The following ATG10 variants were observed in gnomAD, a reference collection of about 807,000 sequenced individuals.
ATG10 encodes the protein ubiquitin-like-conjugating enzyme ATG10.
ATG10 carries 30 observed loss-of-function variants against 32.1 expected under a neutral mutation model. The ratio of observed to expected loss-of-function variants is 0.94; its 90% CI spans 0.70 to 1.27. The LOEUF is 1.27. Ranked by LOEUF, ATG10 falls within the 50% of genes most tolerant of loss-of-function variation. The pLI is 0.00. For synonymous variants in ATG10, 87 were observed against 91.5 expected (o/e 0.95, Z 0.28); for missense variants, 233 against 262.3 (o/e 0.89, Z 0.77).
intron 3 of ATG10, among the ~76,000 whole-genome samples, chr5:82,154,506 G>A (rs1767735009): frequency 6.6e-6 from 1 of 152,154 alleles, no homozygotes; most frequent in African/African-American, 2.4e-5. Flanking sequence ...AAGAAACTGA[G>A]GCATAGAGGG....
chr5:82,239,318 G>A (rs1041918005), intron 5 of ATG10, among the ~76,000 whole-genome samples: 2 of 152,092 alleles, frequency 1.3e-5, no homozygotes, highest in East Asian at 1.9e-4. Flanking sequence ...TTGTCTATGC[G>A]ATAAATTCCA....
At chr5:82,174,381 A>G (rs1483757892) in intron 4 of ATG10, among the ~76,000 whole-genome samples, 5 of 152,176 alleles carry the variant, frequency 3.3e-5, no homozygotes, top group African/African-American at 1.2e-4. Context: ...GAAAAGCAAA[A>G]TTATATACTT....
chr5:81,972,513 T>C (rs2149646566), intron 1 of ATG10: 1 of 152,202 alleles, frequency 6.6e-6, no homozygotes, highest in East Asian at 1.9e-4. Flanking sequence ...GCGAGGACAC[T>C]CCCTCCTCGG....
chr5:82,000,904 G>T (rs538432784), intron 2 of ATG10, among the ~76,000 whole-genome samples: 3 of 152,042 alleles, frequency 2.0e-5, no homozygotes, highest in Non-Finnish European at 4.4e-5. Context: ...TGATCTGCTC[G>T]CCTTGGCCTC....
In ATG10 at chr5:82,066,739, A is replaced by T. The variant is rs1763955733; in HGVS notation, c.216+8137A>T. 1.3e-5 allele frequency among the ~76,000 whole-genome samples: 2 copies of T among 152,100 alleles called. 1 individual carries two copies. Among genetic ancestry groups the T allele is most frequent in the Admixed American group, 1.3e-4 (2 of 15,262 alleles). On this transcript the variant is annotated intron_variant, in intron 3 of 7. Coordinates refer to ENST00000282185, the MANE Select transcript of ATG10 (RefSeq NM_031482.5). ...TGAAATACACTCATTTGCCCTAAGG[A>T]TTTTATTAGGTGGCTTCTAGGATGA... is the stretch of plus-strand genomic sequence containing the variant.
chr5:82,218,433 A>G (rs997959148), intron 5 of ATG10, among the ~76,000 whole-genome samples: 1 of 152,116 alleles, frequency 6.6e-6, no homozygotes, highest in Non-Finnish European at 1.5e-5. Context: ...GATCATTGCT[A>G]TTATAGTTTG....
intron 5 of ATG10, among the ~76,000 whole-genome samples, chr5:82,245,363 A>G (rs1014219847): frequency 6.6e-6 from 1 of 152,182 alleles, no homozygotes; most frequent in Non-Finnish European, 1.5e-5. Flanking sequence ...ATCCACATTG[A>G]TTGTCTGCAC....
chr5:82,084,024 A>G (rs1168729333), intron 3 of ATG10, among the ~76,000 whole-genome samples: 1 of 152,222 alleles, frequency 6.6e-6, no homozygotes, highest in East Asian at 1.9e-4. Context: ...CGGTAATAAC[A>G]GACTTCTCTG....
intron 3 of ATG10, among the ~76,000 whole-genome samples, chr5:82,077,109 C>A (rs1196837464): frequency 6.6e-6 from 1 of 152,154 alleles, no homozygotes; most frequent in Non-Finnish European, 1.5e-5. Context: ...GACGCTTCAG[C>A]TCAGGAGTTC....
chr5:82,150,812 G>A (rs1209747763), intron 3 of ATG10, among the ~76,000 whole-genome samples: 1 of 152,218 alleles, frequency 6.6e-6, no homozygotes, highest in Non-Finnish European at 1.5e-5. Flanking sequence ...TGCATGATCA[G>A]TGACTCATTA....
chr5:82,139,807 A>T (rs1429254119), intron 3 of ATG10, among the ~76,000 whole-genome samples: 36 of 114,650 alleles, frequency 3.1e-4, no homozygotes, highest in Non-Finnish European at 4.0e-4. Context: ...GGAGCCCCTC[A>T]GCCCGGCCAG....
intron 3 of ATG10, among the ~76,000 whole-genome samples, chr5:82,085,290 T>A (rs1764639786): frequency 6.6e-6 from 1 of 151,878 alleles, no homozygotes; most frequent in South Asian, 2.1e-4. Context: ...AACACTCCTA[T>A]ATATATATGC....
intron 3 of ATG10, among the ~76,000 whole-genome samples, chr5:82,119,777 T>A (rs1765972302): frequency 6.6e-6 from 1 of 152,122 alleles, no homozygotes; most frequent in Non-Finnish European, 1.5e-5. Flanking sequence ...ACCACACATT[T>A]TTAAAAAACA....
At chr5:82,100,771 AGTTTT>A (rs1172621707) in intron 3 of ATG10, among the ~76,000 whole-genome samples, 14 of 110,562 alleles carry the variant, frequency 1.3e-4, no homozygotes, top group African/African-American at 4.9e-4. Context: ...AACAAGAACT[AGTTTT>A]TTTTTTTTTT....
intron 3 of ATG10, among the ~76,000 whole-genome samples, chr5:82,088,201 T>C (rs771469373): frequency 2.0e-5 from 3 of 152,254 alleles, no homozygotes; most frequent in Non-Finnish European, 4.4e-5. Flanking sequence ...CTTTTTTTTT[T>C]CTGCTTAAGT....
rs376729453 is a variant in ATG10, at chr5:82,203,776, G to A, written c.453+25189G>A. The stretch of plus-strand genomic sequence containing the variant: ...TTATGACATTCTGCTCCAATCTTAA[G>A]GAAATGATGTGACTCTTGTGACTGC... On this transcript the variant is annotated intron_variant, in intron 5 of 7. Transcript: ENST00000282185. Among the ~76,000 whole-genome samples the A allele has an allele frequency of 4.6e-5, 7 of 152,128 alleles. No individual in the cohort carries two copies. In the East Asian group the frequency reaches 1.4e-3, roughly 29 times the overall value.
rs1381583665 is a variant in ATG10 at position 82,164,436 on chromosome 5, T to G, written c.254T>G (p.Ile85Ser). The change falls in exon 4 of 8, where the codon ATT (isoleucine) becomes AGT (serine). Residue 85 changes from isoleucine to serine, a missense_variant. Ile to Ser is a moderately radical substitution (Grantham distance 142). Transcript: ENST00000282185. ...FELPLDDCEV[I>S]ETAAASEVIK... ...CTACCCTTGGATGATTGTGAAGTGATTGAAACTGCAGCAGCGTCCGAAGTG... is the reference window on the plus strand; with the variant it reads ...CTACCCTTGGATGATTGTGAAGTGAGTGAAACTGCAGCAGCGTCCGAAGTG... 5 of 1,614,022 alleles carry G rather than the reference T, an allele frequency of 3.1e-6. No individual in the cohort carries two copies. In the South Asian group the frequency reaches 5.5e-5, roughly 18 times the overall value.
intron 3 of ATG10, among the ~76,000 whole-genome samples, chr5:82,127,768 G>A (rs891722665): frequency 2.0e-5 from 3 of 152,116 alleles, no homozygotes. Context: ...TTGATTTGGG[G>A]TGGAGAGTTC....
rs1208067983 is a variant in ATG10 at position 82,254,466 on chromosome 5, G to A, written c.*403G>A. 1.3e-5 allele frequency: 2 copies of A among 151,802 alleles called. No individual in the cohort carries two copies. The highest frequency in any genetic ancestry group is 4.9e-5 in the African/African-American group (2 of 41,222). 9.4% of individuals were successfully genotyped at this position (151,802 alleles called of 1,614,324 possible). The stretch of plus-strand genomic sequence containing the variant: ...CCCAGCTCCCCAGGAGGCTGAGGTG[G>A]GAGGTTGGCTTTAACCCAGGAGGCA... On this transcript the variant is annotated 3_prime_UTR_variant, in exon 8 of 8. Coordinates refer to ENST00000282185, the MANE Select transcript of ATG10 (RefSeq NM_031482.5).
Sources: gnomAD v4.1 joint callset for allele counts (sites outside exome capture counted in the v4.1 genomes callset) on GRCh38, gnomAD v4.1.1 for gene constraint, MANE v1.5 for transcripts, NCBI Gene and HGNC (gene_info 2026-07-23, HGNC 2026-07-21) for gene names.